Variants in HECW1 observed in about 807,000 individuals in gnomAD.
The protein encoded by HECW1 is HECT, C2 and WW domain containing E3 ubiquitin protein ligase 1.
Under a neutral mutation model 182.3 loss-of-function variants are expected in HECW1, and 61 were observed. The ratio of observed to expected loss-of-function variants is 0.33; its 90% CI spans 0.27 to 0.41. The LOEUF (loss-of-function observed/expected upper bound fraction) is 0.41, where lower values mean the gene tolerates loss of function less well. Ranked by LOEUF, HECW1 falls within the 10% of genes least tolerant of loss-of-function variation. The pLI, the probability that HECW1 is intolerant of heterozygous loss-of-function variation, is 1.00. For synonymous variants in HECW1, 859 were observed against 832.6 expected, an observed-to-expected ratio of 1.03 and a Z score of -0.55; for missense variants, 1,739 against 2,108.9, an observed-to-expected ratio of 0.82 and a Z score of 3.44.
At chr7:43,393,247 A>T (rs1257084823) in intron 6 of HECW1, among the ~76,000 whole-genome samples, 1 of 152,186 alleles carries the variant, frequency 6.6e-6, no homozygotes, top group Non-Finnish European at 1.5e-5. Context: ...GACAAGCCAC[A>T]GAGCAAAGGG....
At chr7:43,239,423 C>T (rs571396070) in intron 2 of HECW1, among the ~76,000 whole-genome samples, 1 of 152,232 alleles carries the variant, frequency 6.6e-6, no homozygotes, top group African/African-American at 2.4e-5. Context: ...CCTTCATGTA[C>T]CGGGTTGGTT....
intron 3 of HECW1, among the ~76,000 whole-genome samples, chr7:43,290,751 C>G (rs1805299805): frequency 6.6e-6 from 1 of 152,252 alleles, no homozygotes; most frequent in Admixed American, 6.5e-5. Context: ...CAGAGGGTCT[C>G]TGAAGCCAAC....
chr7:43,557,386 C>T (rs912303826), intron 29 of HECW1, among the ~76,000 whole-genome samples: 3 of 152,322 alleles, frequency 2.0e-5, no homozygotes, highest in South Asian at 4.1e-4. Context: ...CCGGTCATAG[C>T]CCAGGCTACA....
chr7:43,477,091 G>C (rs2078245541), intron 16 of HECW1, among the ~76,000 whole-genome samples: 1 of 151,974 alleles, frequency 6.6e-6, no homozygotes, highest in African/African-American at 2.4e-5. Flanking sequence ...ATGAGAAAAT[G>C]TTTTTCTTTT....
chr7:43,438,224 T>C lies in HECW1; in HGVS notation c.944+79T>C, dbSNP rs2076770720. ...CCCAAAGGTGGCCTGTAGGCTGCAA[T>C]AGTATAGTCTCACAGAGAGTCAAAA... is the stretch of plus-strand genomic sequence containing the variant. On this transcript the variant is annotated intron_variant, in intron 9 of 29. Coordinates refer to ENST00000395891, the MANE Select transcript of HECW1 (RefSeq NM_015052.5). 3.3e-6 allele frequency: 4 copies of C among 1,215,392 alleles called. No individual in the cohort carries two copies. The Admixed American group carries it at 6.2e-5, about 19-fold the overall frequency. 75.3% of individuals were successfully genotyped at this position (1,215,392 alleles called of 1,614,324 possible).
rs143770949 is a variant in HECW1, at chr7:43,156,582, ATAG to A, written c.-32+42195_-32+42197del. ...TTCGTGTCAGAAAAGATAACCTGAG[ATAG>A]TAGGCTGTCATTAGTGAGTAAATGA... On this transcript the variant is annotated intron_variant, in intron 2 of 29. Coordinates refer to ENST00000395891, the MANE Select transcript of HECW1 (RefSeq NM_015052.5). Among the ~76,000 whole-genome samples, 301 of 151,414 alleles carry A rather than the reference ATAG, an allele frequency of 2.0e-3. 3 individuals carry two copies. The highest frequency in any genetic ancestry group is 7.1e-3 in the African/African-American group (291 of 40,702).
At chr7:43,367,052 G>A (rs1206875090) in intron 6 of HECW1, among the ~76,000 whole-genome samples, 1 of 152,176 alleles carries the variant, frequency 6.6e-6, no homozygotes, top group Admixed American at 6.5e-5. Context: ...TCCTCAACTC[G>A]TAAGAAAATG....
At chr7:43,207,336 G>A (rs990675246) in intron 2 of HECW1, among the ~76,000 whole-genome samples, 21 of 152,096 alleles carry the variant, frequency 1.4e-4, no homozygotes, top group Admixed American at 8.5e-4. Context: ...GTGAGCCACC[G>A]CACGCCGCCT....
intron 24 of HECW1, among the ~76,000 whole-genome samples, chr7:43,523,642 A>C (rs1206324306): frequency 2.0e-5 from 3 of 152,150 alleles, no homozygotes; most frequent in African/African-American, 7.2e-5. Flanking sequence ...GCCATCTCGA[A>C]AAAAAGAAAA....
rs780362783 is a variant in HECW1 at position 43,407,484 on chromosome 7, A to G, written c.632-78A>G. On this transcript the variant is annotated intron_variant, in intron 7 of 29. Coordinates refer to ENST00000395891, the MANE Select transcript of HECW1 (RefSeq NM_015052.5). ...GTTCATAAGGGCCAATGGTCCTCTCATGAAAGGTGTGGTTACCAAATGCCA... is the reference window on the plus strand; with the variant it reads ...GTTCATAAGGGCCAATGGTCCTCTCGTGAAAGGTGTGGTTACCAAATGCCA... 6.5e-6 allele frequency: 7 copies of G among 1,072,152 alleles called. No homozygotes were observed. In the African/African-American group the frequency reaches 7.9e-5, roughly 12 times the overall value. The allele number at this position is 1,072,152 out of a possible 1,614,324, so 66.4% of individuals were successfully genotyped here. A position where few individuals can be genotyped will look rare whatever the true frequency, so the allele number is the denominator to read the frequency against.
intron 3 of HECW1, among the ~76,000 whole-genome samples, chr7:43,257,367 CCTAGTAA>C (rs1800686826): frequency 6.6e-6 from 1 of 152,158 alleles, no homozygotes; most frequent in Non-Finnish European, 1.5e-5. Flanking sequence ...TAACCTATCA[CCTAGTAA>C]CTCATGATTA....
chr7:43,456,326 C>G lies in HECW1; in HGVS notation c.2530C>G (p.Arg844Gly). 1.9e-6 allele frequency: 3 copies of G among 1,613,212 alleles called. No individual in the cohort carries two copies. The highest frequency in any genetic ancestry group is 2.5e-6 in the Non-Finnish European group (3 of 1,179,518). Residue 844 changes from arginine (R) to glycine (G), a missense_variant, in exon 13 of 30, where the codon CGG becomes GGG. By Grantham distance (125) the Arg-to-Gly change is moderately radical. Transcript: ENST00000395891. ...NWEARIDSHG[R>G]VFYVDHVNRT... is the part of the protein sequence containing the mutation. ...GGAAGCTCGAATTGACAGCCACGGGCGGGTCTTTTATGTGGACCACGTGAA... is the reference window on the plus strand; with the variant it reads ...GGAAGCTCGAATTGACAGCCACGGGGGGGTCTTTTATGTGGACCACGTGAA...
At chr7:43,182,749 TG>T (rs1792993680) in intron 2 of HECW1, among the ~76,000 whole-genome samples, 2 of 88,082 alleles carry the variant, frequency 2.3e-5, no homozygotes. Context: ...AGATCACTTT[TG>T]GTAGTATGAT....
intron 2 of HECW1, among the ~76,000 whole-genome samples, chr7:43,149,012 A>T (rs1404910581): frequency 6.6e-6 from 1 of 152,150 alleles, no homozygotes; most frequent in Non-Finnish European, 1.5e-5. Flanking sequence ...ACATAGAAGA[A>T]ATTAAGGAAA....
At chr7:43,524,551 G>A (rs2080682455) in intron 24 of HECW1, among the ~76,000 whole-genome samples, 1 of 152,192 alleles carries the variant, frequency 6.6e-6, no homozygotes, top group South Asian at 2.1e-4. Context: ...CAATTATGAA[G>A]TACTTTTCAT....
intron 19 of HECW1, among the ~76,000 whole-genome samples, chr7:43,495,454 G>A (rs1047009601): frequency 6.6e-5 from 10 of 152,056 alleles, no homozygotes; most frequent in African/African-American, 9.7e-5. Flanking sequence ...TTTGTGCCTC[G>A]AAGATATTTT....
At chr7:43,120,649 T>C (rs1276717528) in intron 2 of HECW1, among the ~76,000 whole-genome samples, 1 of 152,058 alleles carries the variant, frequency 6.6e-6, no homozygotes, top group African/African-American at 2.4e-5. Flanking sequence ...TTTATTTATT[T>C]GTTTTATTTT....
chr7:43,328,015 G>A (rs1318766112), intron 5 of HECW1, among the ~76,000 whole-genome samples: 4 of 148,902 alleles, frequency 2.7e-5, no homozygotes, highest in Admixed American at 2.7e-4. Context: ...GTTTTAGGAT[G>A]ACATGATAAA....
At chr7:43,443,715 G>T (rs1162635521) in intron 10 of HECW1, among the ~76,000 whole-genome samples, 1 of 152,192 alleles carries the variant, frequency 6.6e-6, no homozygotes, top group Non-Finnish European at 1.5e-5. Context: ...GACTGTGATT[G>T]TTCCTATTCT....
Sources: gnomAD v4.1 joint callset for allele counts (sites outside exome capture counted in the v4.1 genomes callset) on GRCh38, gnomAD v4.1.1 for gene constraint, MANE v1.5 for transcripts, NCBI Gene and HGNC (gene_info 2026-07-23, HGNC 2026-07-21) for gene names.